The following NRK variants were observed in gnomAD, a reference collection of about 807,000 sequenced individuals.
NRK encodes the protein Nik related kinase.
In NRK, 67 loss-of-function variants were observed where a neutral mutation model predicts 125.2. That is an observed-to-expected ratio of 0.54 (90% CI 0.44 to 0.66). The LOEUF (loss-of-function observed/expected upper bound fraction) is 0.66. NRK is among the 30% of genes least tolerant of loss of function. The probability of loss-of-function intolerance (pLI) is 0.00; values close to 1 mark genes in which losing one functional copy is unlikely to be tolerated. For missense variants in NRK, 1,224 were observed against 1,192.9 expected (o/e 1.03, Z -0.38); for synonymous variants, 458 against 429.0 (o/e 1.07, Z -0.84).
chrX:105,951,377 C>CA (rs749243536), intron 27 of NRK, among the ~76,000 whole-genome samples: 1 of 109,543 alleles, frequency 9.1e-6, no homozygotes, highest in African/African-American at 3.3e-5. Context: ...TGACCTAAAA[C>CA]AAAAAAAAGC....
At chrX:105,871,877 T>G (rs756010342) in intron 2 of NRK, among the ~76,000 whole-genome samples, 7 of 111,857 alleles carry the variant, frequency 6.3e-5, no homozygotes, top group Admixed American at 9.5e-5. Flanking sequence ...TAAAGTCTAG[T>G]AATAATCTCT....
At chrX:105,925,122 G>C in intron 19 of NRK, 91 bp downstream of exon 19, 1 of 672,537 alleles carries the variant, frequency 1.5e-6, no homozygotes, top group Non-Finnish European at 2.3e-6. Flanking sequence ...ATTCCAAATA[G>C]ATTTTCATCA....
intron 2 of NRK, among the ~76,000 whole-genome samples, chrX:105,852,004 C>T (rs1448145717): frequency 8.9e-6 from 1 of 112,048 alleles, no homozygotes; most frequent in East Asian, 2.8e-4. Context: ...AAAGCACACA[C>T]TGTATATTCA....
intron 2 of NRK, among the ~76,000 whole-genome samples, chrX:105,832,565 T>C (rs2039208321): frequency 1.8e-5 from 2 of 111,490 alleles, no homozygotes; most frequent in South Asian, 7.7e-4. Flanking sequence ...TATAGAGGTG[T>C]CCTAGTATAA....
At chrX:105,831,672 C>T (rs759932762) in intron 2 of NRK, among the ~76,000 whole-genome samples, 1 of 111,301 alleles carries the variant, frequency 9.0e-6, no homozygotes, top group East Asian at 2.9e-4. Flanking sequence ...AGATAAAGTC[C>T]CTTCTCTTTT....
intron 6 of NRK, 186 bp from the exon 7 acceptor site, chrX:105,895,247 A>T (rs1467608090): frequency 1.9e-6 from 1 of 529,543 alleles, no homozygotes; most frequent in South Asian, 2.5e-5. Context: ...GCCAAAAGTC[A>T]TATTTCTGGG....
Position 105,955,570 on chromosome X carries a change from T to G in NRK, c.4719T>G (p.Leu1573=), listed in dbSNP as rs774337466. The change falls in exon 29 of 29, where the codon CTT becomes CTG. Residue 1573 remains leucine (L), a synonymous_variant. Transcript: ENST00000243300. ...TTTACTTCATGACACTTGGAAAACT[T>G]GAAGAGCTCCAAAGCAATTATGATG... ...SRVYFMTLGK[L]EELQSNYDV 3 of 1,179,458 alleles carry G rather than the reference T, an allele frequency of 2.5e-6. No individual in the cohort carries two copies. Among genetic ancestry groups the G allele is most frequent in the Admixed American group, 2.3e-5 (1 of 44,142 alleles).
intron 2 of NRK, among the ~76,000 whole-genome samples, chrX:105,838,746 C>T (rs1416145030): frequency 9.2e-6 from 1 of 109,146 alleles, no homozygotes; most frequent in Non-Finnish European, 1.9e-5. Flanking sequence ...AGACCATGGC[C>T]ATATGTGAGC....
chrX:105,828,854 TATC>T (rs1379118165), intron 1 of NRK, among the ~76,000 whole-genome samples: 2 of 112,111 alleles, frequency 1.8e-5, no homozygotes, highest in African/African-American at 6.5e-5. Flanking sequence ...TCCTAAAAAT[TATC>T]ATTTTAGATA....
chrX:105,885,754 G>A (rs2039935316), intron 4 of NRK, among the ~76,000 whole-genome samples: 1 of 111,986 alleles, frequency 8.9e-6, no homozygotes, highest in African/African-American at 3.2e-5. Flanking sequence ...GTGGAGGGAA[G>A]TGTATAGTTC....
intron 16 of NRK, among the ~76,000 whole-genome samples, chrX:105,920,721 C>A (rs2040430767): frequency 9.1e-6 from 1 of 109,457 alleles, no homozygotes; most frequent in Non-Finnish European, 1.9e-5. Flanking sequence ...CCAAAAAACA[C>A]ATGAAAAAAT....
chrX:105,927,420 C>A (rs1312835192), intron 19 of NRK, among the ~76,000 whole-genome samples: 1 of 111,530 alleles, frequency 9.0e-6, no homozygotes, highest in Non-Finnish European at 1.9e-5. Context: ...ATGTCATCTG[C>A]AAACAGACAC....
At position 105,953,050 on chromosome X, in the gene NRK, G is replaced by A. The variant is rs759463167; in HGVS notation, c.4530G>A (p.Gln1510=). The change falls in exon 28 of 29, where the codon CAG becomes CAA. Residue 1510 remains glutamine, a synonymous_variant. Transcript: ENST00000243300. ...GTATTGTAGCTTTTGAATGTACACA[G>A]CGAACCACAGGATGGGGCCAAAAGG... is the stretch of plus-strand genomic sequence containing the variant. ...IPSSIAFECT[Q]RTTGWGQKAI... The A allele has an allele frequency of 2.5e-6, 3 of 1,185,087 alleles. No homozygotes were observed. Among genetic ancestry groups the A allele is most frequent in the Non-Finnish European group, 3.4e-6 (3 of 878,183 alleles).
chrX:105,945,658 A>T (rs2040802185), intron 24 of NRK, among the ~76,000 whole-genome samples: 1 of 111,672 alleles, frequency 9.0e-6, no homozygotes, highest in Non-Finnish European at 1.9e-5. Context: ...CTAGCCTGAT[A>T]CACAGTTCTT....
intron 1 of NRK, among the ~76,000 whole-genome samples, chrX:105,826,182 T>C (rs1396108478): frequency 1.1e-5 from 1 of 91,442 alleles, no homozygotes; most frequent in Non-Finnish European, 2.1e-5. Context: ...TATGATCATA[T>C]ATATGTGATA....
intron 26 of NRK, chrX:105,948,658 C>T (rs1257874568): frequency 8.0e-6 from 4 of 502,504 alleles, no homozygotes; most frequent in Non-Finnish European, 1.1e-5. Flanking sequence ...GCCCAGGGAA[C>T]GCATTAAAAT....
At chrX:105,924,629 A>G in intron 18 of NRK, 66 bp from the exon 19 acceptor site, 1 of 912,136 alleles carries the variant, frequency 1.1e-6, no homozygotes, top group East Asian at 3.4e-5. Flanking sequence ...ATTCTGTTGT[A>G]CTTGCTAACT....
At chrX:105,918,806 C>A (rs990270664) in intron 16 of NRK, among the ~76,000 whole-genome samples, 11 of 110,000 alleles carry the variant, frequency 1.0e-4, no homozygotes, top group Non-Finnish European at 1.5e-4. Context: ...AGCTAAATGT[C>A]TTTTCAGCTC....
intron 2 of NRK, among the ~76,000 whole-genome samples, chrX:105,871,458 A>G (rs897853433): frequency 1.8e-4 from 19 of 108,286 alleles, no homozygotes; most frequent in African/African-American, 6.3e-4. Flanking sequence ...ATTGTTTGGT[A>G]TATAAATTAT....
Sources: gnomAD v4.1 joint callset for allele counts (sites outside exome capture counted in the v4.1 genomes callset) on GRCh38, gnomAD v4.1.1 for gene constraint, MANE v1.5 for transcripts, NCBI Gene and HGNC (gene_info 2026-07-23, HGNC 2026-07-21) for gene names.